The following IL23R variants were observed in gnomAD, a reference collection of about 807,000 sequenced individuals.
IL23R encodes interleukin 23 receptor, also known as interleukin-23 receptor.
Under a neutral mutation model 56.9 loss-of-function variants are expected in IL23R, and 34 were observed. That is an observed-to-expected ratio of 0.60 (90% CI 0.45 to 0.80). IL23R has a LOEUF of 0.80. IL23R is among the 30% of genes least tolerant of loss of function. IL23R has a pLI of 0.00. For synonymous variants in IL23R, 230 were observed against 249.2 expected (o/e 0.92, Z 0.73); for missense variants, 635 against 730.0 (o/e 0.87, Z 1.50).
chr1:67,165,387 A>C (rs1646863374), upstream of IL23R, among the ~76,000 whole-genome samples: 4 of 152,210 alleles, frequency 2.6e-5, no homozygotes. Context: ...TATCATGGAA[A>C]ACAGTGTGAA....
chr1:67,145,060 A>G (rs1646667560), intron 1 of IL23R, among the ~76,000 whole-genome samples: 1 of 152,218 alleles, frequency 6.6e-6, no homozygotes, highest in African/African-American at 2.4e-5. Context: ...TTAAATATGA[A>G]TAATAGGCGG....
intron 3 of IL23R, among the ~76,000 whole-genome samples, chr1:67,175,576 T>C (rs1383437862): frequency 1.3e-5 from 2 of 152,180 alleles, no homozygotes; most frequent in African/African-American, 4.8e-5. Flanking sequence ...GTGTAAGGGG[T>C]CATGCAATGT....
At position 67,259,071 on chromosome 1, in the gene IL23R, T is replaced by A. The variant is rs1189559735; in HGVS notation, c.1833T>A (p.Tyr611Ter). The A allele has an allele frequency of 6.2e-7, 1 of 1,613,972 alleles. No homozygotes were observed. Among genetic ancestry groups the A allele is most frequent in the Admixed American group, 1.7e-5 (1 of 59,974 alleles). ...VNEELPSINT[Y>*]FPQNILESHF... is the part of the protein sequence containing the mutation. ...AGGAGTTGCCATCTATTAATACTTATTTTCCACAAAATATTTTGGAAAGCC... is the reference window on the plus strand; with the variant it reads ...AGGAGTTGCCATCTATTAATACTTAATTTCCACAAAATATTTTGGAAAGCC... The change falls in exon 11 of 11, where the codon TAT (tyrosine) becomes TAA (stop). Residue 611 changes from tyrosine to a stop codon, truncating the protein, a stop_gained. Coordinates refer to ENST00000347310, the MANE Select transcript of IL23R (RefSeq NM_144701.3). LOFTEE classifies it high-confidence loss of function.
rs1277717430 is a variant in IL23R at position 67,186,135 on chromosome 1, TA to T, written c.491+3178del. 3.9e-5 allele frequency among the ~76,000 whole-genome samples: 6 copies of T among 152,292 alleles called. No individual in the cohort carries two copies. In the East Asian group the frequency reaches 1.2e-3, roughly 29 times the overall value. On this transcript the variant is annotated intron_variant, in intron 4 of 10. Coordinates refer to ENST00000347310, the MANE Select transcript of IL23R (RefSeq NM_144701.3). Reference sequence around the variant, plus strand: ...AGCAAGACAACTAGAGTCTCATTGCTAAGTCAACTTTAGGAATGTGAAGGTG... The same window carrying T: ...AGCAAGACAACTAGAGTCTCATTGCTAGTCAACTTTAGGAATGTGAAGGTG...
intron 9 of IL23R, among the ~76,000 whole-genome samples, chr1:67,253,345 A>T (rs1420028727): frequency 6.6e-6 from 1 of 152,180 alleles, no homozygotes; most frequent in African/African-American, 2.4e-5. Flanking sequence ...TTACTGATGC[A>T]TTGAGTATTT....
intron 5 of IL23R, among the ~76,000 whole-genome samples, chr1:67,205,661 C>T (rs1648950614): frequency 6.6e-6 from 1 of 152,208 alleles, no homozygotes; most frequent in Admixed American, 6.5e-5. Flanking sequence ...TCAGTTCCTT[C>T]TGTGAAGGTT....
At chr1:67,194,252 T>C (rs1446329750) in intron 4 of IL23R, among the ~76,000 whole-genome samples, 2 of 151,760 alleles carry the variant, frequency 1.3e-5, no homozygotes, top group Non-Finnish European at 2.9e-5. Flanking sequence ...ATTCAGCCCT[T>C]CTCTCTTCCC....
rs376878146 is a variant in IL23R at position 67,228,105 on chromosome 1, TC to T, written c.955+8376del. On this transcript the variant is annotated intron_variant, in intron 7 of 10. Coordinates refer to ENST00000347310, the MANE Select transcript of IL23R (RefSeq NM_144701.3). ...TCTTTTCTTTCTTTCTTTCTTTCTTTCTCTCTCTTTCTTTCTTTCTTTCCTT... is the reference window on the plus strand; with the variant it reads ...TCTTTTCTTTCTTTCTTTCTTTCTTTTCTCTCTTTCTTTCTTTCTTTCCTT... Among the ~76,000 whole-genome samples the T allele has an allele frequency of 3.8e-5, 2 of 52,532 alleles. 1 individual carries two copies. Among genetic ancestry groups the T allele is most frequent in the African/African-American group, 1.3e-4 (2 of 15,040 alleles). 34.5% of individuals were successfully genotyped at this position (52,532 alleles called of 152,430 possible).
At chr1:67,229,877 GT>G (rs1395484668) in intron 7 of IL23R, among the ~76,000 whole-genome samples, 1 of 152,122 alleles carries the variant, frequency 6.6e-6, no homozygotes, top group African/African-American at 2.4e-5. Context: ...ACCAATTGCA[GT>G]TTTTACTAGT....
intron 3 of IL23R, among the ~76,000 whole-genome samples, chr1:67,176,278 T>G (rs1165905539): frequency 1.3e-5 from 2 of 152,046 alleles, no homozygotes; most frequent in Admixed American, 1.3e-4. Flanking sequence ...TTTAGGATAA[T>G]ATAGTCAAGT....
At chr1:67,227,958 CTTTCTTT>C (rs1558253852) in intron 7 of IL23R, among the ~76,000 whole-genome samples, 437 of 35,966 alleles carry the variant, frequency 0.012, 67 homozygotes, top group African/African-American at 0.039. Flanking sequence ...TTCTTTCTTT[CTTTCTTT>C]CTTTCTTTCT....
chr1:67,177,177 C>T (rs1168467541), intron 3 of IL23R, among the ~76,000 whole-genome samples: 2 of 152,088 alleles, frequency 1.3e-5, no homozygotes, highest in Non-Finnish European at 2.9e-5. Flanking sequence ...GTTCTAGATC[C>T]CTGAGGAATC....
chr1:67,148,596 G>T (rs984296498), intron 1 of IL23R, among the ~76,000 whole-genome samples: 10 of 152,134 alleles, frequency 6.6e-5, no homozygotes, highest in African/African-American at 2.4e-4. Flanking sequence ...ATTCTTAGTC[G>T]GCCTAGGGAA....
intron 1 of IL23R, among the ~76,000 whole-genome samples, chr1:67,151,855 G>A (rs1418542598): frequency 6.6e-6 from 1 of 152,150 alleles, no homozygotes; most frequent in Non-Finnish European, 1.5e-5. Flanking sequence ...TGCTGTTTTG[G>A]TTACTGCAGC....
chr1:67,235,585 G>A (rs1407089965), intron 7 of IL23R, among the ~76,000 whole-genome samples: 2 of 151,876 alleles, frequency 1.3e-5, no homozygotes, highest in Non-Finnish European at 2.9e-5. Flanking sequence ...GTAGAAACAG[G>A]GTTTCACCAT....
chr1:67,240,840 A>T (rs903910776), intron 9 of IL23R, among the ~76,000 whole-genome samples: 5 of 152,162 alleles, frequency 3.3e-5, no homozygotes, highest in Non-Finnish European at 5.9e-5. Context: ...AAATGTATAG[A>T]CAAAAAAAAA....
At chr1:67,265,344 C>T in the IL23R span, among the ~76,000 whole-genome samples, 1 of 152,010 alleles carries the variant, frequency 6.6e-6, no homozygotes, top group South Asian at 2.1e-4. Flanking sequence ...TCCTTTTTTT[C>T]CCACTCCTAC....
intron 1 of IL23R, among the ~76,000 whole-genome samples, chr1:67,147,801 G>A (rs1646693108): frequency 6.6e-6 from 1 of 152,172 alleles, no homozygotes; most frequent in Non-Finnish European, 1.5e-5. Context: ...TCATTTTACT[G>A]TGTTTGTATC....
chr1:67,202,508 G>A (rs1040045162), intron 5 of IL23R, among the ~76,000 whole-genome samples: 1 of 152,184 alleles, frequency 6.6e-6, no homozygotes, highest in African/African-American at 2.4e-5. Context: ...AAAGTGTTAG[G>A]ATTACAGGCG....
Sources: gnomAD v4.1 joint callset for allele counts (sites outside exome capture counted in the v4.1 genomes callset) on GRCh38, gnomAD v4.1.1 for gene constraint, MANE v1.5 for transcripts, NCBI Gene and HGNC (gene_info 2026-07-23, HGNC 2026-07-21) for gene names.